Variants in PCDHGB7 observed in about 807,000 individuals in gnomAD.
The protein encoded by PCDHGB7 is protocadherin gamma-B7.
A neutral mutation model predicts 61.4 loss-of-function variants in PCDHGB7; 37 were observed. The ratio of observed to expected loss-of-function variants is 0.60; its 90% confidence interval spans 0.46 to 0.79. PCDHGB7 has a LOEUF of 0.79. PCDHGB7 is among the 30% of genes least tolerant of loss of function. The pLI is 0.00. For missense variants in PCDHGB7, 1,166 were observed against 1,202.5 expected (o/e 0.97, Z 0.45); for synonymous variants, 464 against 503.5 (o/e 0.92, Z 1.05).
At position 141,438,956 on chromosome 5, in the gene PCDHGB7, G is replaced by A. The variant is rs140181975; in HGVS notation, c.2415+18682G>A. 3.9e-3 allele frequency among the ~76,000 whole-genome samples: 592 copies of A among 151,974 alleles called. 6 individuals are homozygous for A. Among genetic ancestry groups the A allele is most frequent in the Admixed American group, 0.011 (171 of 15,242 alleles). On this transcript the variant is annotated intron_variant, in intron 1 of 3. Coordinates refer to ENST00000398594, the MANE Select transcript of PCDHGB7 (RefSeq NM_018927.4). ...GCTGGGATTATAGGCATGAGCCACCGCACCCTGCCAACTGTCTGACTTATC... is the reference window on the plus strand; with the variant it reads ...GCTGGGATTATAGGCATGAGCCACCACACCCTGCCAACTGTCTGACTTATC...
rs377138746 is a variant in PCDHGB7, at chr5:141,432,481, C to A, written c.2415+12207C>A. Reference sequence around the variant, plus strand: ...CCCTCCCCACGGACGGTTCCACTGGCGTGGAGCTGGCTCCCCGCTCCGCAG... The same window carrying A: ...CCCTCCCCACGGACGGTTCCACTGGAGTGGAGCTGGCTCCCCGCTCCGCAG... On this transcript the variant is annotated intron_variant, in intron 1 of 3. Transcript: ENST00000398594. This position sits in a 1 kb window ranked among gnomAD's most constrained non-coding sequence, Gnocchi z 6.0. 6.2e-7 allele frequency: 1 copy of A among 1,614,080 alleles called. No individual in the cohort carries two copies.
chr5:141,463,388 C>T (rs1470533734), intron 1 of PCDHGB7, among the ~76,000 whole-genome samples: 1 of 150,092 alleles, frequency 6.7e-6, no homozygotes, highest in Non-Finnish European at 1.5e-5. Flanking sequence ...AAAGTTGTCT[C>T]CAGGCAAAAA....
At position 141,420,250 on chromosome 5, in the gene PCDHGB7, A is replaced by G. The variant is rs757203976; in HGVS notation, c.2391A>G (p.Glu797=). 1.3e-6 allele frequency: 2 copies of G among 1,578,784 alleles called. No individual in the cohort carries two copies. The highest frequency in any genetic ancestry group is 1.2e-5 in the South Asian group (1 of 86,374). ...LLASILTPSV[E]ADKKILKQQA... Reference sequence around the variant, plus strand: ...CTAGCATTTTAACTCCCAGCGTTGAAGCAGATAAGAAGATTCTTAAACAGG... The same window carrying G: ...CTAGCATTTTAACTCCCAGCGTTGAGGCAGATAAGAAGATTCTTAAACAGG... Residue 797 remains glutamate, a synonymous_variant, in exon 1 of 4, where the codon GAA becomes GAG. Coordinates refer to ENST00000398594, the MANE Select transcript of PCDHGB7 (RefSeq NM_018927.4).
At chr5:141,497,077 G>A (rs191605427) in intron 2 of PCDHGB7, among the ~76,000 whole-genome samples, 4 of 151,990 alleles carry the variant, frequency 2.6e-5, no homozygotes, top group East Asian at 3.9e-4. Flanking sequence ...TAATCCCAGC[G>A]ACTTAGGAGG....
At chr5:141,429,445 G>C (rs2097215795) in intron 1 of PCDHGB7, among the ~76,000 whole-genome samples, 1 of 151,758 alleles carries the variant, frequency 6.6e-6, no homozygotes, top group Admixed American at 6.6e-5. Context: ...AAACTCTTGG[G>C]CTACAGTAAT....
chr5:141,477,932 C>G lies in PCDHGB7; in HGVS notation c.2416-16875C>G, dbSNP rs1193822505. The G allele has an allele frequency of 3.1e-6, 5 of 1,614,040 alleles. No individual in the cohort carries two copies. The highest frequency in any genetic ancestry group is 4.2e-6 in the Non-Finnish European group (5 of 1,180,042). On this transcript the variant is annotated intron_variant, in intron 1 of 3. Transcript: ENST00000398594. This position sits in a 1 kb window ranked among gnomAD's most constrained non-coding sequence, Gnocchi z 4.9. ...CGCGGATGCAGGGCACAATGCCTGG[C>G]TCTCCTACAGTCTCTTGGGATCCCC... is the stretch of plus-strand genomic sequence containing the variant.
chr5:141,428,658 T>C (rs932328483), intron 1 of PCDHGB7: 1 of 165,620 alleles, frequency 6.0e-6, no homozygotes, highest in Non-Finnish European at 1.3e-5. Context: ...TGAGTTCCAA[T>C]GAATGTCTTT....
Position 141,432,126 on chromosome 5 carries a change from C to A in PCDHGB7, c.2415+11852C>A. 6.2e-7 allele frequency: 1 copy of A among 1,614,144 alleles called. No homozygotes were observed. Among genetic ancestry groups the A allele is most frequent in the South Asian group, 1.1e-5 (1 of 91,058 alleles). ...AACCCGCCGGTCTTCCCTCAGGCCT[C>A]CTATTCCGCTTATATCCCAGAGAAC... On this transcript the variant is annotated intron_variant, in intron 1 of 3. Transcript: ENST00000398594. The surrounding 1 kb of genome is among the most constrained non-coding windows in gnomAD (Gnocchi z 6.0).
In PCDHGB7 at chr5:141,486,748, T is replaced by C; in HGVS notation, c.2416-8059T>C. ...TTCATGCTACTCGATCCTTTGACTA[T>C]GAGCAAACCCAGACACTGCAGTTTG... is the stretch of plus-strand genomic sequence containing the variant. On this transcript the variant is annotated intron_variant, in intron 1 of 3. Coordinates refer to ENST00000398594, the MANE Select transcript of PCDHGB7 (RefSeq NM_018927.4). The surrounding 1 kb of genome is among the most constrained non-coding windows in gnomAD (Gnocchi z 5.0). 6.2e-7 allele frequency: 1 copy of C among 1,614,230 alleles called. No individual in the cohort carries two copies. The highest frequency in any genetic ancestry group is 8.5e-7 in the Non-Finnish European group (1 of 1,180,042).
In PCDHGB7 at chr5:141,419,644, C is replaced by T. The variant is rs867285747; in HGVS notation, c.1785C>T (p.Asp595=). 1 of 1,612,514 alleles carries T rather than the reference C, an allele frequency of 6.2e-7. No homozygotes were observed. Among genetic ancestry groups the T allele is most frequent in the Middle Eastern group, 1.7e-4 (1 of 5,772 alleles). The part of the protein sequence containing the change: ...GYLVTKVVAV[D]ADSGHNAWLS... Reference sequence around the variant, plus strand: ...TGGTGACCAAGGTGGTGGCCGTGGACGCGGACTCGGGGCACAATGCCTGGC... The same window carrying T: ...TGGTGACCAAGGTGGTGGCCGTGGATGCGGACTCGGGGCACAATGCCTGGC... The change falls in exon 1 of 4, where the codon GAC becomes GAT. Residue 595 remains aspartate, a synonymous_variant. Coordinates refer to ENST00000398594, the MANE Select transcript of PCDHGB7 (RefSeq NM_018927.4).
At chr5:141,502,019 G>A (rs1454981730) in intron 2 of PCDHGB7, among the ~76,000 whole-genome samples, 1 of 152,008 alleles carries the variant, frequency 6.6e-6, no homozygotes, top group African/African-American at 2.4e-5. Flanking sequence ...TCTCCTCCCT[G>A]CAACCCCCGC....
chr5:141,486,444 T>G lies in PCDHGB7; in HGVS notation c.2416-8363T>G. 1 of 1,614,086 alleles carries G rather than the reference T, an allele frequency of 6.2e-7. No homozygotes were observed. Among genetic ancestry groups the G allele is most frequent in the Non-Finnish European group, 8.5e-7 (1 of 1,179,930 alleles). ...GAGGCCAAATCTAGCTATGACATCA[T>G]GGTCACTGCTTCTGATGCTGGGAAC... On this transcript the variant is annotated intron_variant, in intron 1 of 3. Coordinates refer to ENST00000398594, the MANE Select transcript of PCDHGB7 (RefSeq NM_018927.4). The surrounding 1 kb of genome is among the most constrained non-coding windows in gnomAD (Gnocchi z 5.0).
intron 1 of PCDHGB7, chr5:141,422,413 GAA>G (rs753790858): frequency 6.2e-7 from 1 of 1,604,644 alleles, no homozygotes; most frequent in South Asian, 1.1e-5. Flanking sequence ...TTTTAAATTA[GAA>G]AAGACTTATG....
Position 141,477,889 on chromosome 5 carries a change from A to T in PCDHGB7, c.2416-16918A>T. 1 of 1,614,152 alleles carries T rather than the reference A, an allele frequency of 6.2e-7. No homozygotes were observed. Among genetic ancestry groups the T allele is most frequent in the Admixed American group, 1.7e-5 (1 of 60,016 alleles). On this transcript the variant is annotated intron_variant, in intron 1 of 3. Coordinates refer to ENST00000398594, the MANE Select transcript of PCDHGB7 (RefSeq NM_018927.4). This position sits in a 1 kb window ranked among gnomAD's most constrained non-coding sequence, Gnocchi z 4.9. The stretch of plus-strand genomic sequence containing the variant: ...GTACCTCAGCTGGCCACCTAGTGTC[A>T]CGGGTGGTAGGCTGGGACGCGGATG...
At chr5:141,421,376 C>T in intron 1 of PCDHGB7, 2 of 1,614,030 alleles carry the variant, frequency 1.2e-6, no homozygotes, top group Non-Finnish European at 1.7e-6. Context: ...GGCAATATCT[C>T]CAAGGACCTG....
chr5:141,433,408 A>ATCTATCT (rs1413347413), intron 1 of PCDHGB7, among the ~76,000 whole-genome samples: 44 of 127,346 alleles, frequency 3.5e-4, no homozygotes, highest in African/African-American at 1.2e-3. Context: ...TCTATCTATT[A>ATCTATCT]CTTTCTTGTA....
Position 141,421,726 on chromosome 5 carries a change from T to G in PCDHGB7, c.2415+1452T>G. On this transcript the variant is annotated intron_variant, in intron 1 of 3. Transcript: ENST00000398594. The stretch of plus-strand genomic sequence containing the variant: ...TAGGGATCCAGATGTGGGCGTGAAC[T>G]CCCTCCAGAGCTACCAGCTCAGCCC... 1 of 1,613,928 alleles carries G rather than the reference T, an allele frequency of 6.2e-7. No homozygotes were observed. Among genetic ancestry groups the G allele is most frequent in the Non-Finnish European group, 8.5e-7 (1 of 1,179,852 alleles).
Position 141,419,067 on chromosome 5 carries a change from A to C in PCDHGB7, c.1208A>C (p.Lys403Thr), listed in dbSNP as rs2096321794. The C allele has an allele frequency of 1.2e-6, 2 of 1,613,956 alleles. No individual in the cohort carries two copies. Among genetic ancestry groups the C allele is most frequent in the African/African-American group, 1.3e-5 (1 of 75,052 alleles). ...KIHSSSNNYY[K>T]LVTDEALDRE... ...CATTCTTCTTCTAATAATTACTACA[A>C]GCTAGTAACAGATGAGGCCCTGGAT... The change falls in exon 1 of 4, where the codon AAG (lysine) becomes ACG (threonine). Residue 403 changes from lysine (K) to threonine (T), a missense_variant. By Grantham distance (78) the Lys-to-Thr change is moderately conservative. Transcript: ENST00000398594.
intron 1 of PCDHGB7, among the ~76,000 whole-genome samples, chr5:141,460,050 C>T (rs1477206197): frequency 6.6e-6 from 1 of 152,064 alleles, no homozygotes; most frequent in Non-Finnish European, 1.5e-5. Context: ...TGCACTCCAG[C>T]CTGGGCAACA....
Sources: gnomAD v4.1 joint callset for allele counts (sites outside exome capture counted in the v4.1 genomes callset) on GRCh38, gnomAD v4.1.1 for gene constraint, Gnocchi (gnomAD v3.1) non-coding constraint, MANE v1.5 for transcripts, NCBI Gene and HGNC (gene_info 2026-07-23, HGNC 2026-07-21) for gene names.